Variants in ARHGAP20 observed in about 807,000 individuals in gnomAD.
The protein encoded by ARHGAP20 is rho GTPase-activating protein 20.
A neutral mutation model predicts 73.7 loss-of-function variants in ARHGAP20; 34 were observed. The ratio of observed to expected loss-of-function variants is 0.46; its 90% CI spans 0.35 to 0.61. The LOEUF is 0.61. ARHGAP20 is among the 20% of genes least tolerant of loss of function. The pLI is 0.00. For missense variants in ARHGAP20, 1,314 were observed against 1,420.9 expected (o/e 0.92, Z 1.21); for synonymous variants, 523 against 518.2 (o/e 1.01, Z -0.13).
In ARHGAP20 at chr11:110,580,118, G is replaced by C. The variant is rs373594727; in HGVS notation, c.2828C>G (p.Thr943Ser). ...TSYSSLSSPG[T>S]SPSGSSVSSQ... Reference sequence around the variant, plus strand: ...GCTTACTGATGAGCCGGATGGGGAAGTGCCTGGGGAGGATAAGCTGGAATA... The same window carrying C: ...GCTTACTGATGAGCCGGATGGGGAACTGCCTGGGGAGGATAAGCTGGAATA... The change falls in exon 15 of 15, where the codon ACT becomes AGT. Residue 943 changes from threonine to serine, a missense_variant. Coordinates refer to ENST00000683387, the MANE Select transcript of ARHGAP20 (RefSeq NM_001384657.1). 3.1e-6 allele frequency: 5 copies of C among 1,614,116 alleles called. No individual in the cohort carries two copies. Among genetic ancestry groups the C allele is most frequent in the Non-Finnish European group, 4.2e-6 (5 of 1,180,044 alleles).
intron 2 of ARHGAP20, among the ~76,000 whole-genome samples, chr11:110,673,706 T>C (rs1949873471): frequency 6.6e-6 from 1 of 152,194 alleles, no homozygotes; most frequent in Non-Finnish European, 1.5e-5. Flanking sequence ...AAAGTGATGA[T>C]CTCTGATCTG....
intron 2 of ARHGAP20, among the ~76,000 whole-genome samples, chr11:110,678,336 C>T (rs1023928360): frequency 2.6e-5 from 4 of 152,300 alleles, no homozygotes; most frequent in Non-Finnish European, 5.9e-5. Flanking sequence ...CTGAAGTGTA[C>T]ACTTTTAACT....
intron 2 of ARHGAP20, among the ~76,000 whole-genome samples, chr11:110,678,763 C>T (rs1025187658): frequency 6.6e-6 from 1 of 152,112 alleles, no homozygotes; most frequent in African/African-American, 2.4e-5. Context: ...TGAGCTCAAG[C>T]AATCCTCCCA....
chr11:110,664,995 G>T (rs892561416), intron 2 of ARHGAP20, among the ~76,000 whole-genome samples: 1 of 152,090 alleles, frequency 6.6e-6, no homozygotes, highest in Non-Finnish European at 1.5e-5. Flanking sequence ...TAGGTAGTCT[G>T]CAGAAATCAA....
intron 2 of ARHGAP20, among the ~76,000 whole-genome samples, chr11:110,675,235 G>C (rs1464239539): frequency 6.6e-6 from 1 of 152,124 alleles, no homozygotes; most frequent in African/African-American, 2.4e-5. Flanking sequence ...GATTTTCTCA[G>C]AACATTTCCC....
chr11:110,710,056 G>A (rs1030957755), intron 1 of ARHGAP20, among the ~76,000 whole-genome samples: 2 of 152,226 alleles, frequency 1.3e-5, no homozygotes, highest in Non-Finnish European at 2.9e-5. Flanking sequence ...GGTTGGTGCA[G>A]AGAGAGGAAA....
chr11:110,593,333 T>C (rs1249972855), intron 9 of ARHGAP20, among the ~76,000 whole-genome samples: 1 of 152,212 alleles, frequency 6.6e-6, no homozygotes, highest in Non-Finnish European at 1.5e-5. Context: ...TTGCTTATGA[T>C]TTAATACATA....
At chr11:110,696,641 G>C (rs1034905686) in intron 1 of ARHGAP20, among the ~76,000 whole-genome samples, 3 of 151,588 alleles carry the variant, frequency 2.0e-5, no homozygotes, top group Non-Finnish European at 4.4e-5. Flanking sequence ...GTGTACTGGT[G>C]AGGATTGGGC....
intron 3 of ARHGAP20, among the ~76,000 whole-genome samples, chr11:110,628,984 T>TA (rs1260227410): frequency 1.3e-5 from 2 of 151,964 alleles, no homozygotes; most frequent in Admixed American, 6.6e-5. Flanking sequence ...TAACCTCAGG[T>TA]AAAAAAACAA....
At chr11:110,667,553 T>C (rs1949749303) in intron 2 of ARHGAP20, among the ~76,000 whole-genome samples, 2 of 152,202 alleles carry the variant, frequency 1.3e-5, no homozygotes, top group African/African-American at 4.8e-5. Context: ...GTTGTTTTCA[T>C]GCTGGCTAAC....
chr11:110,687,418 G>A (rs1348442312), intron 2 of ARHGAP20, among the ~76,000 whole-genome samples: 1 of 152,100 alleles, frequency 6.6e-6, no homozygotes, highest in Non-Finnish European at 1.5e-5. Flanking sequence ...AAGAATCTGG[G>A]AGAACTGGCT....
At chr11:110,668,346 GT>G (rs985793959) in intron 2 of ARHGAP20, among the ~76,000 whole-genome samples, 10 of 152,098 alleles carry the variant, frequency 6.6e-5, no homozygotes, top group African/African-American at 2.4e-4. Flanking sequence ...TATACAAATT[GT>G]TTTTTAAAGT....
intron 11 of ARHGAP20, chr11:110,589,334 T>G (rs1185306282): frequency 1.1e-6 from 1 of 945,916 alleles, no homozygotes; most frequent in Non-Finnish European, 1.3e-6. Context: ...TTGCAAAAAT[T>G]TATAGCAGGG....
At chr11:110,592,752 T>C (rs1947859953) in intron 9 of ARHGAP20, among the ~76,000 whole-genome samples, 1 of 152,192 alleles carries the variant, frequency 6.6e-6, no homozygotes, top group South Asian at 2.1e-4. Flanking sequence ...TAAAGAATCC[T>C]TTAGTATCTG....
chr11:110,680,732 A>G (rs1009071416), intron 2 of ARHGAP20, among the ~76,000 whole-genome samples: 2 of 152,202 alleles, frequency 1.3e-5, no homozygotes, highest in Non-Finnish European at 2.9e-5. Context: ...TTAATCTCCT[A>G]AAGATTTCCT....
intron 1 of ARHGAP20, among the ~76,000 whole-genome samples, chr11:110,692,170 T>C (rs1950255545): frequency 6.6e-6 from 1 of 152,108 alleles, no homozygotes; most frequent in Non-Finnish European, 1.5e-5. Context: ...AGGAATCTAA[T>C]ATCCTTAGGC....
Position 110,624,278 on chromosome 11 carries a change from A to T in ARHGAP20, c.387T>A (p.Ile129=), listed in dbSNP as rs111708203. The T allele has an allele frequency of 5.4e-4, 857 of 1,598,318 alleles. 6 individuals are homozygous for T. In the African/African-American group the frequency reaches 0.01, roughly 19 times the overall value. Residue 129 remains isoleucine, a synonymous_variant, in exon 4 of 15, where the codon ATT becomes ATA. Transcript: ENST00000683387. ...TTGCTGTCCACATATCAGTTAATTT[A>T]ATTTTATTTTTTATCTTAAAGTTAT... ...YNNNFKIKNK[I]KLTDMWTASC...
chr11:110,577,172 C>T lies in ARHGAP20; in HGVS notation c.*2198G>A. 2.6e-6 allele frequency: 4 copies of T among 1,533,436 alleles called. No individual in the cohort carries two copies. The highest frequency in any genetic ancestry group is 2.6e-6 in the Non-Finnish European group (3 of 1,145,684). The allele number at this position is 1,533,436 out of a possible 1,614,324, so 95.0% of individuals were successfully genotyped here. ...CAGTTTCTGCAAGTACAAAAATACA[C>T]ATTTATTACATAACATATGGTAGTA... On this transcript the variant is annotated 3_prime_UTR_variant, in exon 15 of 15. Coordinates refer to ENST00000683387, the MANE Select transcript of ARHGAP20 (RefSeq NM_001384657.1).
At chr11:110,666,894 G>A (rs1949735032) in intron 2 of ARHGAP20, among the ~76,000 whole-genome samples, 1 of 152,186 alleles carries the variant, frequency 6.6e-6, no homozygotes, top group Admixed American at 6.5e-5. Context: ...GATCAAACCA[G>A]CCACAACATT....
Sources: allele counts gnomAD v4.1 joint callset (sites outside exome capture counted in the v4.1 genomes callset), GRCh38; gene constraint gnomAD v4.1.1; transcripts MANE v1.5; gene names NCBI Gene and HGNC (gene_info 2026-07-23, HGNC 2026-07-21).